ACOT1: variants seen among roughly 807,000 people sequenced by gnomAD.
ACOT1 encodes the protein acyl-CoA thioesterase 1, also known as acyl-coenzyme A thioesterase 1.
ACOT1 carries 8 observed loss-of-function variants against 15.7 expected under a neutral mutation model. That is an observed-to-expected ratio of 0.51 (90% CI 0.30 to 0.92). The LOEUF (loss-of-function observed/expected upper bound fraction) is 0.92. Among genes scored for constraint, ACOT1 ranks in the 40% least tolerant of loss-of-function variants. ACOT1 has a pLI of 0.06. For synonymous variants in ACOT1, 67 were observed against 241.2 expected, an observed-to-expected ratio of 0.28 and a Z score of 6.69; for missense variants, 151 against 539.4, an observed-to-expected ratio of 0.28 and a Z score of 7.13.
At chr14:73,533,888 A>T (rs1359163354), upstream of ACOT1, among the ~76,000 whole-genome samples, 3 of 107,020 alleles carry the variant, frequency 2.8e-5, 1 homozygote, top group Non-Finnish European at 6.0e-5. Context: ...CTCTAAAAAA[A>T]AAAAAAAAAA....
At chr14:73,529,261 A>G in the ACOT1 span, 1 of 149,890 alleles carries the variant, frequency 6.7e-6, no homozygotes, top group East Asian at 2.0e-4. Context: ...AGGCTAAGAC[A>G]GGAGAATTGC....
the ACOT1 span, among the ~76,000 whole-genome samples, chr14:73,497,752 T>C: frequency 6.6e-6 from 1 of 151,880 alleles, no homozygotes; most frequent in Non-Finnish European, 1.5e-5. Flanking sequence ...TCAGCCTCCC[T>C]AGTAGCTGGG....
At chr14:73,530,827 T>G in the ACOT1 span, among the ~76,000 whole-genome samples, 1 of 75,094 alleles carries the variant, frequency 1.3e-5, no homozygotes, top group East Asian at 1.4e-3. Context: ...TTTGTAGAGA[T>G]AGAGTCTCAC....
chr14:73,511,872 A>G, the ACOT1 span: 15 of 984,394 alleles, frequency 1.5e-5, no homozygotes, highest in Non-Finnish European at 2.2e-5. Context: ...GCATGTATAT[A>G]TAGGCCAGTC....
At chr14:73,519,032 G>A in the ACOT1 span, 1 of 1,612,552 alleles carries the variant, frequency 6.2e-7, no homozygotes. Context: ...CATGCTTCAG[G>A]AATTGCCTGG....
At chr14:73,492,369 G>A in the ACOT1 span, 1 of 1,613,698 alleles carries the variant, frequency 6.2e-7, no homozygotes, top group African/African-American at 1.3e-5. The surrounding 1 kb of genome is among the most constrained non-coding windows in gnomAD (Gnocchi z 4.9). Flanking sequence ...GTGGAGTTTC[G>A]GAGGGGTCTG....
the ACOT1 span, among the ~76,000 whole-genome samples, chr14:73,509,850 ATATATATATATATATATATT>A: frequency 3.6e-3 from 223 of 62,510 alleles, 7 homozygotes; most frequent in African/African-American, 0.012. Context: ...ATATATATAT[ATATATATATATATATATATT>A]TATTTATTTT....
the ACOT1 span, chr14:73,509,438 G>A: frequency 4.3e-6 from 7 of 1,613,964 alleles, no homozygotes; most frequent in Non-Finnish European, 5.9e-6. Context: ...TCTAGGGCAG[G>A]CAGTAGAACC....
the ACOT1 span, chr14:73,522,730 A>G: frequency 6.2e-7 from 1 of 1,614,208 alleles, no homozygotes; most frequent in South Asian, 1.1e-5. Context: ...CGGGATTGGC[A>G]GAGCTTTCTG....
the ACOT1 span, among the ~76,000 whole-genome samples, chr14:73,523,881 A>G: frequency 6.6e-6 from 1 of 152,152 alleles, no homozygotes; most frequent in Non-Finnish European, 1.5e-5. Flanking sequence ...GATACCTCGC[A>G]TTGTTAAATA....
the ACOT1 span, among the ~76,000 whole-genome samples, chr14:73,504,443 C>T: frequency 1.3e-5 from 2 of 151,972 alleles, no homozygotes; most frequent in Non-Finnish European, 1.5e-5. Flanking sequence ...AGGGTTTCAC[C>T]GTGTTAGCCA....
At chr14:73,520,790 A>G in the ACOT1 span, 15 of 1,471,568 alleles carry the variant, frequency 1.0e-5, no homozygotes, top group Non-Finnish European at 1.4e-5. Context: ...GCCCCCAGCA[A>G]TCTTCCACCT....
the ACOT1 span, among the ~76,000 whole-genome samples, chr14:73,526,977 T>TGA: frequency 6.6e-6 from 1 of 151,660 alleles, no homozygotes; most frequent in East Asian, 2.0e-4. Context: ...AGAGACAAAG[T>TGA]GAGAGATGTT....
At chr14:73,498,113 G>T in the ACOT1 span, 2 of 1,533,348 alleles carry the variant, frequency 1.3e-6, no homozygotes, top group East Asian at 2.3e-5. Flanking sequence ...GTGAGAGTTG[G>T]CAGTATAAGG....
the ACOT1 span, among the ~76,000 whole-genome samples, chr14:73,509,671 T>C: frequency 2.0e-5 from 3 of 151,338 alleles, no homozygotes; most frequent in East Asian, 5.8e-4. Flanking sequence ...ACCTGTGTGC[T>C]GGTATGCCAA....
the ACOT1 span, among the ~76,000 whole-genome samples, chr14:73,506,860 G>A: frequency 3.7e-5 from 5 of 133,692 alleles, no homozygotes; most frequent in Non-Finnish European, 7.7e-5. Flanking sequence ...GAGTGCAGTG[G>A]CACAATCTCG....
the ACOT1 span, among the ~76,000 whole-genome samples, chr14:73,524,310 A>AAAAAATATATATAT: frequency 1.2e-3 from 67 of 54,752 alleles, 1 homozygote; most frequent in African/African-American, 5.7e-3. Flanking sequence ...AAAAAAAAAA[A>AAAAAATATATATAT]ATATATATAT....
At chr14:73,498,022 T>C in the ACOT1 span, 1 of 736,110 alleles carries the variant, frequency 1.4e-6, no homozygotes, top group South Asian at 2.0e-5. Flanking sequence ...CTTGGGTGAG[T>C]GGTGAATGTG....
At chr14:73,507,609 C>CT in the ACOT1 span, among the ~76,000 whole-genome samples, 1 of 151,792 alleles carries the variant, frequency 6.6e-6, no homozygotes, top group African/African-American at 2.4e-5. Flanking sequence ...AATTTTATTT[C>CT]TTTTTTTGTA....
Sources: gnomAD v4.1 joint callset for allele counts (sites outside exome capture counted in the v4.1 genomes callset) on GRCh38, gnomAD v4.1.1 for gene constraint, Gnocchi (gnomAD v3.1) non-coding constraint, MANE v1.5 for transcripts, NCBI Gene and HGNC (gene_info 2026-07-23, HGNC 2026-07-21) for gene names.